The following DSG3 variants were observed in gnomAD, a reference collection of about 807,000 sequenced individuals.
DSG3 encodes desmoglein 3, also known as desmoglein-3.
Under a neutral mutation model 85.9 loss-of-function variants are expected in DSG3, and 63 were observed. That is an observed-to-expected ratio of 0.73 (90% CI 0.60 to 0.90). The LOEUF is 0.90. DSG3 is among the 40% of genes least tolerant of loss of function. The pLI is 0.00. For missense variants in DSG3, 1,220 were observed against 1,219.9 expected (o/e 1.00, Z 0.00); for synonymous variants, 447 against 441.9 (o/e 1.01, Z -0.14).
intron 1 of DSG3, among the ~76,000 whole-genome samples, chr18:31,454,496 G>A (rs1017474713): frequency 4.6e-5 from 7 of 152,180 alleles, no homozygotes; most frequent in Admixed American, 3.3e-4. Flanking sequence ...GTCTAGAAGG[G>A]AAGAGTCCTG....
intron 5 of DSG3, among the ~76,000 whole-genome samples, 188 bp from the exon 6 acceptor site, chr18:31,459,657 G>C (rs1363944684): frequency 6.6e-6 from 1 of 152,182 alleles, no homozygotes; most frequent in East Asian, 1.9e-4. Context: ...TGTATGGAAG[G>C]AAGCACAGTT....
chr18:31,447,826 A>T lies in DSG3; in HGVS notation c.-52A>T. On this transcript the variant is annotated 5_prime_UTR_variant, in exon 1 of 16. Coordinates refer to ENST00000257189, the MANE Select transcript of DSG3 (RefSeq NM_001944.3). Reference sequence around the variant, plus strand: ...TAGACATCAACTGCAGACGGCTGGCAGGATAGAAGCAGCGGCTCACTTGGA... The same window carrying T: ...TAGACATCAACTGCAGACGGCTGGCTGGATAGAAGCAGCGGCTCACTTGGA... 1.3e-6 allele frequency: 2 copies of T among 1,495,894 alleles called. No individual in the cohort carries two copies. Among genetic ancestry groups the T allele is most frequent in the South Asian group, 2.5e-5 (2 of 80,408 alleles). The allele number at this position is 1,495,894 out of a possible 1,614,324, so 92.7% of individuals were successfully genotyped here. A position where few individuals can be genotyped will look rare whatever the true frequency, so the allele number is the denominator to read the frequency against.
At chr18:31,465,732 G>A (rs1400784488) in intron 10 of DSG3, among the ~76,000 whole-genome samples, 11 of 152,120 alleles carry the variant, frequency 7.2e-5, no homozygotes, top group Admixed American at 7.2e-4. Context: ...GAAATCCCTG[G>A]GTTTGAGGGA....
intron 1 of DSG3, among the ~76,000 whole-genome samples, chr18:31,450,367 T>G (rs1020353672): frequency 3.3e-5 from 5 of 152,106 alleles, no homozygotes; most frequent in African/African-American, 1.2e-4. Context: ...CTTTGGAGAA[T>G]CTGGACATGA....
chr18:31,464,137 C>T lies in DSG3; in HGVS notation c.1026C>T (p.Ser342=), dbSNP rs555118940. The change falls in exon 9 of 16, where the codon AGC becomes AGT. Residue 342 remains serine, a synonymous_variant. Transcript: ENST00000257189. ...VKALDYEQLQ[S]VKLSIAVKNK... ...CTCTAGATTATGAACAACTACAAAG[C>T]GTGAAACTTAGTATTGCTGTCAAAA... The T allele has an allele frequency of 1.2e-5, 20 of 1,613,762 alleles. No homozygotes were observed. Among genetic ancestry groups the T allele is most frequent in the Admixed American group, 3.3e-5 (2 of 59,968 alleles).
chr18:31,472,921 G>T, intron 14 of DSG3, 133 bp downstream of exon 14: 1 of 737,212 alleles, frequency 1.4e-6, no homozygotes, highest in East Asian at 2.7e-5. Flanking sequence ...CACTGAAATG[G>T]AGAAAAGCTG....
chr18:31,463,075 A>T (rs2072796068), intron 8 of DSG3, among the ~76,000 whole-genome samples: 3 of 152,158 alleles, frequency 2.0e-5, no homozygotes, highest in Admixed American at 2.0e-4. Context: ...TTTAAGATGA[A>T]ATTCACAAGG....
In DSG3 at chr18:31,478,326, A is replaced by G. The variant is rs1207594300; in HGVS notation, c.*2066A>G. 6.6e-6 allele frequency: 1 copy of G among 152,302 alleles called. No individual in the cohort carries two copies. The highest frequency in any genetic ancestry group is 2.4e-5 in the African/African-American group (1 of 41,560). The allele number at this position is 152,302 out of a possible 1,614,324, so 9.4% of individuals were successfully genotyped here. On this transcript the variant is annotated 3_prime_UTR_variant, in exon 16 of 16. Coordinates refer to ENST00000257189, the MANE Select transcript of DSG3 (RefSeq NM_001944.3). The stretch of plus-strand genomic sequence containing the variant: ...AATTAACAACCATAACCTTCATTTG[A>G]AGTTCAAAGGTGTATTCAGGATCCT...
At position 31,457,541 on chromosome 18, in the gene DSG3, T is replaced by TTCTCTC. The variant is rs1568086327; in HGVS notation, c.216+420_216+421insCTCTCT. On this transcript the variant is annotated intron_variant, in intron 3 of 15. Transcript: ENST00000257189. The stretch of plus-strand genomic sequence containing the variant: ...CTATTCTCTTTCTTTCTTTCTTTCT[T>TTCTCTC]TCTTTCTCTTTCTTTCTTTCTTTCT... 2.2e-4 allele frequency among the ~76,000 whole-genome samples: 28 copies of TTCTCTC among 125,448 alleles called. 1 individual carries two copies. The highest frequency in any genetic ancestry group is 1.0e-3 in the African/African-American group (27 of 26,772). The allele number at this position is 125,448 out of a possible 152,430, so 82.3% of individuals were successfully genotyped here.
intron 12 of DSG3, among the ~76,000 whole-genome samples, 200 bp from the exon 13 acceptor site, chr18:31,472,084 T>C (rs540809366): frequency 7.9e-5 from 12 of 152,236 alleles, no homozygotes; most frequent in Non-Finnish European, 1.3e-4. Flanking sequence ...TCTGTCTCCT[T>C]CAGTTTCATA....
intron 1 of DSG3, among the ~76,000 whole-genome samples, chr18:31,450,352 G>A (rs2072703968): frequency 6.6e-6 from 1 of 152,206 alleles, no homozygotes; most frequent in Non-Finnish European, 1.5e-5. Context: ...TAGCATGACA[G>A]TTTGCTTTGG....
chr18:31,468,092 T>C (rs976476646), intron 11 of DSG3, among the ~76,000 whole-genome samples: 3 of 152,154 alleles, frequency 2.0e-5, no homozygotes, highest in African/African-American at 7.2e-5. Context: ...ATCAAAAAGA[T>C]TCAACAAATG....
Position 31,466,529 on chromosome 18 carries a change from G to A in DSG3, c.1412-1G>A. The stretch of plus-strand genomic sequence containing the variant: ...TTAACTCTAAAACATTGTTCTTACA[G>A]AATACACGGGTAAAACTTCTACAGG... On this transcript the variant is annotated splice_acceptor_variant, in intron 10 of 15. Coordinates refer to ENST00000257189, the MANE Select transcript of DSG3 (RefSeq NM_001944.3). LOFTEE classifies it high-confidence loss of function. The A allele has an allele frequency of 6.2e-7, 1 of 1,613,366 alleles. No individual in the cohort carries two copies. The highest frequency in any genetic ancestry group is 8.5e-7 in the Non-Finnish European group (1 of 1,179,316).
Position 31,465,318 on chromosome 18 carries a change from A to T in DSG3, c.1272A>T (p.Lys424Asn). 1 of 1,409,762 alleles carries T rather than the reference A, an allele frequency of 7.1e-7. No homozygotes were observed. Among genetic ancestry groups the T allele is most frequent in the South Asian group, 1.9e-5 (1 of 52,418 alleles). 87.3% of individuals were successfully genotyped at this position (1,409,762 alleles called of 1,614,324 possible). ...EDTNKAASNV[K>N]YVMGRNDGGY... ...TGATTTTTTTAATATTATGAAACAGATATGTCATGGGACGTAACGATGGTG... is the reference window on the plus strand; with the variant it reads ...TGATTTTTTTAATATTATGAAACAGTTATGTCATGGGACGTAACGATGGTG... The change falls in exon 10 of 16, where the codon AAA (lysine) becomes AAT (asparagine). Residue 424 changes from lysine (K) to asparagine (N), a missense_variant and splice_region_variant. Lys to Asn is a moderately conservative substitution (Grantham distance 94). Transcript: ENST00000257189.
Position 31,469,490 on chromosome 18 carries a change from C to G in DSG3, c.1897+141C>G, listed in dbSNP as rs2072842808. 31 of 1,210,178 alleles carry G rather than the reference C, an allele frequency of 2.6e-5. No homozygotes were observed. In the South Asian group the frequency reaches 4.8e-4, roughly 19 times the overall value. The allele number at this position is 1,210,178 out of a possible 1,614,324, so 75.0% of individuals were successfully genotyped here. On this transcript the variant is annotated intron_variant, in intron 12 of 15. Coordinates refer to ENST00000257189, the MANE Select transcript of DSG3 (RefSeq NM_001944.3). Reference sequence around the variant, plus strand: ...TAAAGCTAGGGGAAAATGGCATTTTCAGAAAGAATCTGAAATGTGTAACAT... The same window carrying G: ...TAAAGCTAGGGGAAAATGGCATTTTGAGAAAGAATCTGAAATGTGTAACAT...
In DSG3 at chr18:31,461,422, G is replaced by A. The variant is rs532577377; in HGVS notation, c.999+10G>A. ...CCTGAAAGTGGTGAAGGTAAGGTCT[G>A]ACTTCCCTTCATTGGTAAAAAAAAT... On this transcript the variant is annotated intron_variant, in intron 8 of 15. Transcript: ENST00000257189. 10 of 1,598,968 alleles carry A rather than the reference G, an allele frequency of 6.3e-6. No individual in the cohort carries two copies. The highest frequency in any genetic ancestry group is 8.5e-6 in the Non-Finnish European group (10 of 1,175,658).
Position 31,460,814 on chromosome 18 carries a change from A to AT in DSG3, c.685-13dup, listed in dbSNP as rs770934656. The AT allele has an allele frequency of 9.8e-5, 153 of 1,561,072 alleles. 1 individual carries two copies. Among genetic ancestry groups the AT allele is most frequent in the Non-Finnish European group, 1.2e-4 (142 of 1,161,766 alleles). ...TCTTTGGGATTAATTATTTTTCTTT[A>AT]TTTTTTATCCAAAATTAGCAAGCTA... On this transcript the variant is annotated intron_variant, in intron 6 of 15. Transcript: ENST00000257189.
Position 31,474,376 on chromosome 18 carries a change from T to C in DSG3, c.2357T>C (p.Met786Thr). 6.2e-7 allele frequency: 1 copy of C among 1,608,256 alleles called. No individual in the cohort carries two copies. Among genetic ancestry groups the C allele is most frequent in the Non-Finnish European group, 8.5e-7 (1 of 1,176,140 alleles). The change falls in exon 15 of 16, where the codon ATG becomes ACG. Residue 786 changes from methionine (M) to threonine (T), a missense_variant. Coordinates refer to ENST00000257189, the MANE Select transcript of DSG3 (RefSeq NM_001944.3). ...NKDYADGAISMNFLDSYFSQK... is the reference protein window; with the variant it reads ...NKDYADGAISTNFLDSYFSQK... ...GACTACGCTGATGGGGCGATAAGCA[T>C]GAATTTTCTGGACTCCTACTTTTCT...
Position 31,457,131 on chromosome 18 carries a change from T to A in DSG3, c.216+7T>A. ...AAGAAACCCAATTGCCAAGGTAAGT[T>A]ATATCAACAGGAGCGTATGAGTTTT... On this transcript the variant is annotated splice_region_variant and intron_variant, in intron 3 of 15. Coordinates refer to ENST00000257189, the MANE Select transcript of DSG3 (RefSeq NM_001944.3). 6.2e-7 allele frequency: 1 copy of A among 1,610,706 alleles called. No homozygotes were observed. Among genetic ancestry groups the A allele is most frequent in the Non-Finnish European group, 8.5e-7 (1 of 1,179,096 alleles).
Sources: allele counts gnomAD v4.1 joint callset (sites outside exome capture counted in the v4.1 genomes callset), GRCh38; gene constraint gnomAD v4.1.1; transcripts MANE v1.5; gene names NCBI Gene and HGNC (gene_info 2026-07-23, HGNC 2026-07-21).